ARHGEF4: variants seen among roughly 807,000 people sequenced by gnomAD.
ARHGEF4 encodes Rho guanine nucleotide exchange factor 4.
Under a neutral mutation model 162.0 loss-of-function variants are expected in ARHGEF4, and 119 were observed. The ratio of observed to expected loss-of-function variants is 0.73; its 90% CI spans 0.63 to 0.86. The LOEUF (loss-of-function observed/expected upper bound fraction) is 0.86. Among genes scored for constraint, ARHGEF4 ranks in the 40% least tolerant of loss-of-function variants. ARHGEF4 has a pLI of 0.00. For missense variants in ARHGEF4, 2,488 were observed against 2,456.0 expected, an observed-to-expected ratio of 1.01 and a Z score of -0.28; for synonymous variants, 1,014 against 979.9, an observed-to-expected ratio of 1.03 and a Z score of -0.65.
chr2:131,003,184 G>A (rs997259808), intron 4 of ARHGEF4, among the ~76,000 whole-genome samples: 6 of 152,132 alleles, frequency 3.9e-5, no homozygotes, highest in Non-Finnish European at 5.9e-5. Flanking sequence ...GAGCCATGAC[G>A]AGGCCAGGGG....
At chr2:130,838,808 C>T (rs547302688) in intron 1 of ARHGEF4, among the ~76,000 whole-genome samples, 14 of 152,304 alleles carry the variant, frequency 9.2e-5, no homozygotes, top group African/African-American at 3.1e-4. Context: ...TGGGCAGAAT[C>T]TGAGTCACCC....
Position 131,046,233 on chromosome 2 carries a change from G to A in ARHGEF4, c.*44G>A, listed in dbSNP as rs1229821513. On this transcript the variant is annotated 3_prime_UTR_variant, in exon 14 of 14. Coordinates refer to ENST00000409359, the MANE Select transcript of ARHGEF4 (RefSeq NM_001367493.1). ...GCACCTGCTGGGCCTTCCTGCCAGT[G>A]GCCCCCAGTTTTTCTTCCCCGAGGC... The A allele has an allele frequency of 1.9e-6, 3 of 1,569,860 alleles. No individual in the cohort carries two copies. Among genetic ancestry groups the A allele is most frequent in the Admixed American group, 3.5e-5 (2 of 56,690 alleles).
intron 2 of ARHGEF4, among the ~76,000 whole-genome samples, chr2:130,919,641 C>T (rs1267983003): frequency 1.3e-5 from 2 of 152,048 alleles, no homozygotes; most frequent in African/African-American, 2.4e-5. Flanking sequence ...TTTGGGAGGC[C>T]GAAGCGGGCG....
intron 4 of ARHGEF4, among the ~76,000 whole-genome samples, chr2:131,003,988 G>T (rs1184078041): frequency 6.6e-6 from 1 of 152,138 alleles, no homozygotes; most frequent in Admixed American, 6.5e-5. Flanking sequence ...GAGCATCTTT[G>T]GTTGGGAGAG....
At chr2:130,966,823 A>G (rs1407455355) in intron 4 of ARHGEF4, among the ~76,000 whole-genome samples, 3 of 152,096 alleles carry the variant, frequency 2.0e-5, no homozygotes, top group African/African-American at 7.2e-5. Flanking sequence ...TTTGCTAATC[A>G]CCTCTAAAAT....
At chr2:130,853,809 G>A (rs768115963) in intron 1 of ARHGEF4, among the ~76,000 whole-genome samples, 6 of 152,232 alleles carry the variant, frequency 3.9e-5, no homozygotes, top group Non-Finnish European at 5.9e-5. Flanking sequence ...TCCCAGGAAT[G>A]GTGGGCCCTA....
At chr2:130,968,225 C>T (rs547483954) in intron 4 of ARHGEF4, among the ~76,000 whole-genome samples, 1 of 152,168 alleles carries the variant, frequency 6.6e-6, no homozygotes, top group African/African-American at 2.4e-5. Flanking sequence ...TTGTAGGAGC[C>T]GGTCAAGGGC....
Position 130,856,534 on chromosome 2 carries a change from C to G in ARHGEF4, c.39+19542C>G, listed in dbSNP as rs890776305. ...AGTGACACCAGAGAATAATTCAAAT[C>G]CACATGAATAAATCGAGATTGCCAG... is the stretch of plus-strand genomic sequence containing the variant. On this transcript the variant is annotated intron_variant, in intron 1 of 13. Transcript: ENST00000409359. Among the ~76,000 whole-genome samples the G allele has an allele frequency of 2.7e-4, 41 of 152,174 alleles. 1 individual carries two copies. The highest frequency in any genetic ancestry group is 5.7e-4 in the Non-Finnish European group (39 of 68,034).
chr2:131,008,033 G>A (rs1345035770), intron 4 of ARHGEF4, among the ~76,000 whole-genome samples: 2 of 151,532 alleles, frequency 1.3e-5, no homozygotes, highest in East Asian at 1.9e-4. Flanking sequence ...GGCTAGTCTC[G>A]AACTCCTGAC....
Position 131,041,213 on chromosome 2 carries a change from C to T in ARHGEF4, c.4663-17C>T, listed in dbSNP as rs1390322723. ...GAGCAGCAGAGAGCTCTGCTAACCT[C>T]CAGCTGTGCCCCTTAGCAAGCCGAC... On this transcript the variant is annotated splice_polypyrimidine_tract_variant and intron_variant, in intron 8 of 13. Coordinates refer to ENST00000409359, the MANE Select transcript of ARHGEF4 (RefSeq NM_001367493.1). 2 of 1,607,242 alleles carry T rather than the reference C, an allele frequency of 1.2e-6. No homozygotes were observed. The highest frequency in any genetic ancestry group is 4.5e-5 in the East Asian group (2 of 44,820).
rs1676319324 is a variant in ARHGEF4, at chr2:130,917,319, T to C, written c.3373T>C (p.Tyr1125His). The C allele has an allele frequency of 6.4e-7, 1 of 1,550,454 alleles. No homozygotes were observed. The highest frequency in any genetic ancestry group is 2.0e-5 in the Admixed American group (1 of 50,980). ...CATGGTTTCTCTTGGAAGCTACAGC[T>C]ACGTGGACAGCAGTTCAGGGGACCC... ...ISMVSLGSYSYVDSSSGDPER... is the reference protein window; with the variant it reads ...ISMVSLGSYSHVDSSSGDPER... The change falls in exon 2 of 14, where the codon TAC becomes CAC. Residue 1125 changes from tyrosine to histidine, a missense_variant. By Grantham distance (83) the Tyr-to-His change is moderately conservative. Around this residue, in one of 6 missense-constraint regions of ARHGEF4, gnomAD observed 1,642 missense variants for 1,481.5 expected, o/e 1.11. Transcript: ENST00000409359.
intron 2 of ARHGEF4, among the ~76,000 whole-genome samples, chr2:130,918,795 C>T (rs979385016): frequency 2.0e-5 from 3 of 152,228 alleles, no homozygotes; most frequent in Admixed American, 6.5e-5. Flanking sequence ...GTTTGTGTAT[C>T]TCTACGCAGT....
At chr2:130,865,307 G>A (rs775244361) in intron 1 of ARHGEF4, among the ~76,000 whole-genome samples, 5 of 152,228 alleles carry the variant, frequency 3.3e-5, no homozygotes, top group Non-Finnish European at 7.3e-5. Context: ...CAGCCTCCTC[G>A]AGTGCCTTCT....
Position 131,040,173 on chromosome 2 carries a change from A to T in ARHGEF4, c.4463A>T (p.His1488Leu). ...AGCACTGAGCGGGACTACATCAAGC[A>T]CCTGCGCGACATCTGCGAGGTGAGG... ...ILSTERDYIKHLRDICEGYVR... is the reference protein window; with the variant it reads ...ILSTERDYIKLLRDICEGYVR... The change falls in exon 7 of 14, where the codon CAC becomes CTC. Residue 1488 changes from histidine to leucine, a missense_variant. His to Leu is a moderately conservative substitution (Grantham distance 99, BLOSUM62 -3). This residue lies in a region of ARHGEF4 where 174 missense variants were observed against 148.3 expected (regional missense o/e 1.17). Transcript: ENST00000409359. The T allele has an allele frequency of 6.2e-7, 1 of 1,611,066 alleles. No homozygotes were observed. The highest frequency in any genetic ancestry group is 8.5e-7 in the Non-Finnish European group (1 of 1,178,108).
intron 4 of ARHGEF4, among the ~76,000 whole-genome samples, chr2:130,985,077 A>G (rs1470491894): frequency 6.6e-6 from 1 of 152,098 alleles, no homozygotes; most frequent in Non-Finnish European, 1.5e-5. Context: ...AATTTTCCCA[A>G]ACTGAGAGGA....
chr2:131,028,264 G>A (rs996999086), intron 5 of ARHGEF4, among the ~76,000 whole-genome samples, 180 bp downstream of exon 5: 3 of 152,342 alleles, frequency 2.0e-5, no homozygotes, highest in African/African-American at 4.8e-5. Flanking sequence ...TCAAGAGCAC[G>A]GTTTGTCCAA....
intron 4 of ARHGEF4, among the ~76,000 whole-genome samples, chr2:130,973,303 A>G (rs769046609): frequency 2.0e-5 from 3 of 152,246 alleles, no homozygotes; most frequent in Non-Finnish European, 4.4e-5. Context: ...AGCCTGGCCA[A>G]CACAGTGAAA....
chr2:130,895,856 C>CT, intron 1 of ARHGEF4, among the ~76,000 whole-genome samples: 1 of 152,132 alleles, frequency 6.6e-6, no homozygotes, highest in East Asian at 1.9e-4. Context: ...TCAGTTTTCA[C>CT]TTTTTTCTTT....
chr2:130,886,333 A>C (rs1679517947), intron 1 of ARHGEF4, among the ~76,000 whole-genome samples: 1 of 151,818 alleles, frequency 6.6e-6, no homozygotes, highest in Admixed American at 6.6e-5. Context: ...TTAACCTTAT[A>C]AAATGAATCA....
Sources: allele counts gnomAD v4.1 joint callset (sites outside exome capture counted in the v4.1 genomes callset), GRCh38; gene constraint gnomAD v4.1.1; regional missense constraint gnomAD v4.1.1; transcripts MANE v1.5; gene names NCBI Gene and HGNC (gene_info 2026-07-23, HGNC 2026-07-21).